Variants in TPRG1 observed in about 807,000 individuals in gnomAD.
The protein encoded by TPRG1 is tumor protein p63 regulated 1.
In TPRG1, 29 loss-of-function variants were observed where a neutral mutation model predicts 29.3. The ratio of observed to expected loss-of-function variants is 0.99; its 90% confidence interval spans 0.74 to 1.35. TPRG1 has a LOEUF of 1.35. Among genes scored for constraint, TPRG1 ranks in the 40% most tolerant of loss-of-function variants. TPRG1 has a pLI of 0.00. For missense variants in TPRG1, 327 were observed against 335.0 expected (o/e 0.98, Z 0.19); for synonymous variants, 130 against 116.8 (o/e 1.11, Z -0.73).
chr3:189,180,831 G>A (rs1730114562), intron 1 of TPRG1, among the ~76,000 whole-genome samples: 1 of 152,288 alleles, frequency 6.6e-6, no homozygotes, highest in South Asian at 2.1e-4. Context: ...TGGGGACTCT[G>A]GCCCCACATT....
rs1009765365 is a variant in TPRG1, at chr3:189,112,636, C to T, written c.-744+12432C>T. Among the ~76,000 whole-genome samples, 3 of 152,232 alleles carry T rather than the reference C, an allele frequency of 2.0e-5. No homozygotes were observed. In the East Asian group the frequency reaches 5.8e-4, roughly 29 times the overall value. On this transcript the variant is annotated intron_variant, in intron 1 of 6. Transcript: ENST00000412373. ...AGCACCATTTATTAAATAGGGAATC[C>T]TTTCCCCATTGCTTGTTTCTCTCAG...
At chr3:189,125,969 C>G (rs1007335940) in intron 1 of TPRG1, among the ~76,000 whole-genome samples, 5 of 151,984 alleles carry the variant, frequency 3.3e-5, no homozygotes, top group Non-Finnish European at 7.4e-5. Context: ...TCTTTATTGT[C>G]TCATATCAGA....
At chr3:189,200,581 C>T (rs1367827630) in intron 1 of TPRG1, among the ~76,000 whole-genome samples, 1 of 152,218 alleles carries the variant, frequency 6.6e-6, no homozygotes, top group East Asian at 1.9e-4. Flanking sequence ...CCTGATCTTC[C>T]TTCCTATTCC....
rs182550235 is a variant in TPRG1 at position 189,187,160 on chromosome 3, G to A, written c.-10+15029G>A. Among the ~76,000 whole-genome samples the A allele has an allele frequency of 7.0e-4, 106 of 151,710 alleles. 1 individual carries two copies. Among genetic ancestry groups the A allele is most frequent in the Middle Eastern group, 3.4e-3 (1 of 294 alleles). On this transcript the variant is annotated intron_variant, in intron 1 of 5. Transcript: ENST00000345063. Reference sequence around the variant, plus strand: ...CACCACCACACTTGGCTAATTTTTTGTACTTTTGGTAGAGACGGGGTTTTG... The same window carrying A: ...CACCACCACACTTGGCTAATTTTTTATACTTTTGGTAGAGACGGGGTTTTG...
chr3:189,048,158 T>G (rs1001289331), intron 4 of TPRG1, among the ~76,000 whole-genome samples: 10 of 152,226 alleles, frequency 6.6e-5, no homozygotes, highest in Admixed American at 6.5e-4. Context: ...CATTATTCCT[T>G]GATCCATGGG....
chr3:189,173,121 T>A (rs1729023608), intron 1 of TPRG1, among the ~76,000 whole-genome samples: 1 of 152,176 alleles, frequency 6.6e-6, no homozygotes, highest in Admixed American at 6.5e-5. Flanking sequence ...ATTTTAGCTA[T>A]CATTTTTCTT....
intron 4 of TPRG1, among the ~76,000 whole-genome samples, chr3:189,276,118 TGA>T (rs1716095082): frequency 6.6e-6 from 1 of 151,818 alleles, no homozygotes; most frequent in African/African-American, 2.4e-5. Context: ...CAAGGAACAC[TGA>T]GAGGGGAAGG....
intron 4 of TPRG1, among the ~76,000 whole-genome samples, chr3:189,051,399 G>T (rs993839363): frequency 1.1e-4 from 16 of 152,140 alleles, no homozygotes; most frequent in African/African-American, 3.6e-4. Flanking sequence ...GGAGTTGAAA[G>T]ACTTCTGCAA....
chr3:189,216,254 A>T (rs1471519980), intron 3 of TPRG1, among the ~76,000 whole-genome samples: 1 of 152,214 alleles, frequency 6.6e-6, no homozygotes. Context: ...GGTTCAGCAG[A>T]GAAGCTCTGT....
At chr3:188,997,327 G>A (rs1031774345) in intron 1 of TPRG1, among the ~76,000 whole-genome samples, 6 of 151,982 alleles carry the variant, frequency 3.9e-5, no homozygotes, top group African/African-American at 1.5e-4. Context: ...TGCCTTATGT[G>A]TCACTTTTCC....
At chr3:189,221,712 C>G (rs142502623) in intron 3 of TPRG1, among the ~76,000 whole-genome samples, 6 of 152,300 alleles carry the variant, frequency 3.9e-5, no homozygotes, top group African/African-American at 7.2e-5. Context: ...ACAGGGTTGC[C>G]TCTTTAAGTA....
intron 2 of TPRG1, among the ~76,000 whole-genome samples, chr3:189,211,464 C>T (rs942893782): frequency 2.6e-5 from 4 of 152,082 alleles, no homozygotes; most frequent in Admixed American, 1.3e-4. Flanking sequence ...TCAATTTTAG[C>T]ATCATAACCT....
chr3:189,011,411 G>A (rs2152122782), intron 3 of TPRG1, among the ~76,000 whole-genome samples: 1 of 152,210 alleles, frequency 6.6e-6, no homozygotes, highest in South Asian at 2.1e-4. Context: ...TTTTCATGCT[G>A]CTGAAAAGAC....
At chr3:189,250,912 C>G (rs544720392) in intron 4 of TPRG1, among the ~76,000 whole-genome samples, 14 of 152,070 alleles carry the variant, frequency 9.2e-5, no homozygotes, top group Non-Finnish European at 8.8e-5. Flanking sequence ...GTGAGAAATG[C>G]GAGACTTACA....
chr3:189,258,439 G>A (rs1712320012), intron 4 of TPRG1, among the ~76,000 whole-genome samples: 1 of 152,118 alleles, frequency 6.6e-6, no homozygotes, highest in Non-Finnish European at 1.5e-5. Flanking sequence ...GGTGTCTGTT[G>A]ACCCCTGCTG....
intron 5 of TPRG1, among the ~76,000 whole-genome samples, chr3:189,157,365 C>G (rs1245446213): frequency 6.6e-6 from 1 of 152,136 alleles, no homozygotes; most frequent in East Asian, 1.9e-4. Flanking sequence ...GGCCTTACTT[C>G]TATTCCGAGT....
intron 1 of TPRG1, among the ~76,000 whole-genome samples, chr3:189,100,899 T>A (rs1560445412): frequency 6.6e-6 from 1 of 152,220 alleles, no homozygotes; most frequent in Non-Finnish European, 1.5e-5. Context: ...CAGAAAAATA[T>A]TAGCTTGGAG....
At chr3:189,057,521 T>A (rs1715778418) in intron 4 of TPRG1, among the ~76,000 whole-genome samples, 1 of 150,694 alleles carries the variant, frequency 6.6e-6, no homozygotes, top group Non-Finnish European at 1.5e-5. Context: ...TTTTTACACA[T>A]TCTGTGGGCT....
At chr3:189,190,949 TA>T (rs1731599879) in intron 1 of TPRG1, 2 of 985,290 alleles carry the variant, frequency 2.0e-6, no homozygotes, top group Non-Finnish European at 2.4e-6. Flanking sequence ...GGCTTTGAGA[TA>T]AATATTCACA....
Sources: gnomAD v4.1 joint callset for allele counts (sites outside exome capture counted in the v4.1 genomes callset) on GRCh38, gnomAD v4.1.1 for gene constraint, MANE v1.5 for transcripts, NCBI Gene and HGNC (gene_info 2026-07-23, HGNC 2026-07-21) for gene names.